The following SEMA6D variants were observed in gnomAD, a reference collection of about 807,000 sequenced individuals.
The protein encoded by SEMA6D is semaphorin 6D.
SEMA6D carries 35 observed loss-of-function variants against 106.6 expected under a neutral mutation model. The observed-to-expected ratio is 0.33, with a 90% CI of 0.25 to 0.44. SEMA6D has a LOEUF of 0.44. SEMA6D is among the 20% of genes least tolerant of loss of function. The probability of loss-of-function intolerance (pLI) is 1.00; values close to 1 mark genes in which losing one functional copy is unlikely to be tolerated. For missense variants in SEMA6D, 1,185 were observed against 1,345.9 expected, an observed-to-expected ratio of 0.88 and a Z score of 1.87; for synonymous variants, 499 against 487.7, an observed-to-expected ratio of 1.02 and a Z score of -0.31.
intron 1 of SEMA6D, among the ~76,000 whole-genome samples, chr15:47,272,397 GCAGATT>G (rs898972564): frequency 2.6e-5 from 4 of 152,004 alleles, no homozygotes; most frequent in Non-Finnish European, 5.9e-5. Flanking sequence ...ATTGAACAAG[GCAGATT>G]CTGATCACTC....
intron 1 of SEMA6D, among the ~76,000 whole-genome samples, chr15:47,392,323 G>A (rs1401292769): frequency 1.3e-5 from 2 of 152,160 alleles, no homozygotes; most frequent in African/African-American, 4.8e-5. Flanking sequence ...ATCTGTTACT[G>A]TATATGGCAG....
At chr15:47,386,620 A>G (rs943224637) in intron 1 of SEMA6D, among the ~76,000 whole-genome samples, 5 of 152,170 alleles carry the variant, frequency 3.3e-5, no homozygotes, top group African/African-American at 1.2e-4. Context: ...TCTCCTAGGC[A>G]TGGACCTGTC....
At chr15:47,428,663 AC>A (rs1002938162) in intron 2 of SEMA6D, among the ~76,000 whole-genome samples, 1 of 151,810 alleles carries the variant, frequency 6.6e-6, no homozygotes, top group Non-Finnish European at 1.5e-5. Flanking sequence ...AATCTCAGCT[AC>A]TCAGGTGGCT....
At chr15:47,267,040 A>G (rs1049749234) in intron 1 of SEMA6D, among the ~76,000 whole-genome samples, 7 of 152,038 alleles carry the variant, frequency 4.6e-5, no homozygotes, top group African/African-American at 1.4e-4. Context: ...CAGTAATTCT[A>G]CCGGGGCTTT....
In SEMA6D at chr15:47,329,765, G is replaced by A. The variant is rs1480598299; in HGVS notation, c.-238-82628G>A. Among the ~76,000 whole-genome samples the A allele has an allele frequency of 4.6e-5, 7 of 152,294 alleles. No individual in the cohort carries two copies. In the South Asian group the frequency reaches 6.2e-4, roughly 14 times the overall value. ...ACCACAGACTTACCAAATATATTTA[G>A]GGTTGGAACTATCTGTGTTTTTTAA... On this transcript the variant is annotated intron_variant, in intron 1 of 19. Transcript: ENST00000558014.
At position 47,619,536 on chromosome 15, in the gene SEMA6D, T is replaced by TTAA. The variant is rs369780827; in HGVS notation, c.-55+18640_-55+18641insTAA. 2.8e-3 allele frequency among the ~76,000 whole-genome samples: 433 copies of TTAA among 152,308 alleles called. 2 individuals carry two copies. The highest frequency in any genetic ancestry group is 0.01 in the African/African-American group (421 of 41,560). On this transcript the variant is annotated intron_variant, in intron 4 of 19. Transcript: ENST00000558014. ...AAATTTCTTTTCTTTTTAGCAGTGT[T>TTAA]CCTTAAAGTGTGGCCTACAGACCAG...
At position 47,385,045 on chromosome 15, in the gene SEMA6D, ATTTT is replaced by A. The variant is rs374354563; in HGVS notation, c.-238-27331_-238-27328del. Among the ~76,000 whole-genome samples the A allele has an allele frequency of 7.6e-4, 72 of 94,342 alleles. 3 individuals carry two copies. The East Asian group carries it at 0.012, about 16-fold the overall frequency. The allele number at this position is 94,342 out of a possible 152,430, so 61.9% of individuals were successfully genotyped here. A position where few individuals can be genotyped will look rare whatever the true frequency, so the allele number is the denominator to read the frequency against. On this transcript the variant is annotated intron_variant, in intron 1 of 19. Coordinates refer to the SEMA6D transcript ENST00000558014. The stretch of plus-strand genomic sequence containing the variant: ...ATTACATTCATGGAGCTGGACTGTA[ATTTT>A]TTTTTTTTTTTTTTTTACCATAGAA...
At chr15:47,384,670 C>A (rs1595878308) in intron 1 of SEMA6D, among the ~76,000 whole-genome samples, 2 of 152,188 alleles carry the variant, frequency 1.3e-5, no homozygotes, top group African/African-American at 4.8e-5. Context: ...CTGTGTCCCC[C>A]ACCCTTATTT....
At chr15:47,356,816 T>C (rs1177120041) in intron 1 of SEMA6D, among the ~76,000 whole-genome samples, 1 of 152,148 alleles carries the variant, frequency 6.6e-6, no homozygotes, top group Non-Finnish European at 1.5e-5. Flanking sequence ...CCTAAAGGCC[T>C]CAGGATGTGT....
chr15:47,621,054 G>A (rs1270465756), intron 4 of SEMA6D, among the ~76,000 whole-genome samples: 2 of 152,092 alleles, frequency 1.3e-5, no homozygotes, highest in Non-Finnish European at 2.9e-5. Flanking sequence ...TCATAGAGAT[G>A]GGCTCTTACA....
rs905304892 is a variant in SEMA6D at position 47,520,546 on chromosome 15, A to G, written c.-87+50001A>G. Reference sequence around the variant, plus strand: ...GTTTGAACTTAAATTTTAACCTCCAATGCCACCTGTCAGAATACATTGCAA... The same window carrying G: ...GTTTGAACTTAAATTTTAACCTCCAGTGCCACCTGTCAGAATACATTGCAA... On this transcript the variant is annotated intron_variant, in intron 3 of 19. Coordinates refer to the SEMA6D transcript ENST00000558014. 3.9e-5 allele frequency among the ~76,000 whole-genome samples: 6 copies of G among 152,222 alleles called. No individual in the cohort carries two copies. In the East Asian group the frequency reaches 5.8e-4, roughly 15 times the overall value.
intron 1 of SEMA6D, chr15:47,396,531 C>G (rs1436704141): frequency 6.6e-6 from 1 of 152,266 alleles, no homozygotes; most frequent in Non-Finnish European, 1.5e-5. Flanking sequence ...AGCTGAAGAA[C>G]TTGGAGTCTG....
intron 4 of SEMA6D, among the ~76,000 whole-genome samples, chr15:47,643,278 T>C (rs1195430119): frequency 2.0e-5 from 3 of 152,222 alleles, no homozygotes; most frequent in Non-Finnish European, 4.4e-5. Flanking sequence ...ACGTAAAGTG[T>C]CCAGGGCCTG....
intron 2 of SEMA6D, among the ~76,000 whole-genome samples, chr15:47,429,931 A>G (rs1212756425): frequency 1.3e-5 from 2 of 152,058 alleles, no homozygotes; most frequent in African/African-American, 4.8e-5. Flanking sequence ...GCACCTTTAA[A>G]TGATGTAACA....
intron 1 of SEMA6D, among the ~76,000 whole-genome samples, chr15:47,312,579 C>T (rs2036493068): frequency 6.6e-6 from 1 of 152,076 alleles, no homozygotes; most frequent in East Asian, 1.9e-4. Context: ...CTTAACCTTG[C>T]CACAATGTTA....
chr15:47,364,045 A>T (rs2038915317), intron 1 of SEMA6D, among the ~76,000 whole-genome samples: 1 of 152,156 alleles, frequency 6.6e-6, no homozygotes. Flanking sequence ...ACACATGAAG[A>T]TTACAATTTG....
At chr15:47,748,541 C>G (rs1307145741) in intron 1 of SEMA6D, among the ~76,000 whole-genome samples, 1 of 152,182 alleles carries the variant, frequency 6.6e-6, no homozygotes, top group East Asian at 1.9e-4. Context: ...CTGTCCTGAG[C>G]AGAGCAGTGT....
chr15:47,229,302 G>A (rs566395653), intron 1 of SEMA6D, among the ~76,000 whole-genome samples: 3 of 151,986 alleles, frequency 2.0e-5, no homozygotes, highest in South Asian at 4.1e-4. Flanking sequence ...AACACCCCAA[G>A]CATCAGATGC....
chr15:47,652,752 G>T (rs566478963), intron 4 of SEMA6D, among the ~76,000 whole-genome samples: 1 of 152,136 alleles, frequency 6.6e-6, no homozygotes, highest in African/African-American at 2.4e-5. Context: ...GACTGGCTTC[G>T]TGCTATAATT....
Sources: allele counts gnomAD v4.1 joint callset (sites outside exome capture counted in the v4.1 genomes callset), GRCh38; gene constraint gnomAD v4.1.1; transcripts MANE v1.5; gene names NCBI Gene and HGNC (gene_info 2026-07-23, HGNC 2026-07-21).